VWA3A: variants seen among roughly 807,000 people sequenced by gnomAD.
VWA3A encodes the protein von Willebrand factor A domain-containing protein 3A.
In VWA3A, 134 loss-of-function variants were observed where a neutral mutation model predicts 160.4. The ratio of observed to expected loss-of-function variants is 0.84; its 90% CI spans 0.73 to 0.96. The LOEUF is 0.96. Ranked by LOEUF, VWA3A falls within the 40% of genes least tolerant of loss-of-function variation. The pLI is 0.00. For missense variants in VWA3A, 1,310 were observed against 1,447.9 expected, an observed-to-expected ratio of 0.90 and a Z score of 1.55; for synonymous variants, 476 against 543.4, an observed-to-expected ratio of 0.88 and a Z score of 1.72.
Position 22,115,916 on chromosome 16 carries a change from A to AGGAC in VWA3A, c.815+447_815+448insCGGA, listed in dbSNP as rs1567203009. Among the ~76,000 whole-genome samples the AGGAC allele has an allele frequency of 3.3e-4, 10 of 29,904 alleles. 1 individual carries two copies. The highest frequency in any genetic ancestry group is 4.6e-4 in the Non-Finnish European group (10 of 21,540). 19.6% of individuals were successfully genotyped at this position (29,904 alleles called of 152,430 possible). ...AAGGAAGGAAGGAAGGAAGGAAGGA[A>AGGAC]GGAAGGAAAGGAAAGGAAAGGAAGG... On this transcript the variant is annotated intron_variant, in intron 9 of 33. Transcript: ENST00000389398.
rs760996055 is a variant in VWA3A at position 22,140,186 on chromosome 16, C to G, written c.2325C>G (p.Ser775Arg). ...AAGATGACCCTGACAGAGAGAAGAGCCCCCCGCTGAAATCTCTGAAATGGC... is the reference window on the plus strand; with the variant it reads ...AAGATGACCCTGACAGAGAGAAGAGGCCCCCGCTGAAATCTCTGAAATGGC... ...SIKDDPDREK[S>R]PPLKSLKWRP... is the part of the protein sequence containing the mutation. Residue 775 changes from serine to arginine, a missense_variant, in exon 23 of 34, where the codon AGC becomes AGG. Ser to Arg is a moderately radical substitution (Grantham distance 110). Transcript: ENST00000389398. The G allele has an allele frequency of 6.2e-7, 1 of 1,613,550 alleles. No homozygotes were observed. Among genetic ancestry groups the G allele is most frequent in the Non-Finnish European group, 8.5e-7 (1 of 1,179,700 alleles).
chr16:22,134,277 C>T, intron 20 of VWA3A, 91 bp from the exon 21 acceptor site: 1 of 1,095,850 alleles, frequency 9.1e-7, no homozygotes, highest in Non-Finnish European at 1.3e-6. Flanking sequence ...CTCAAGTCAC[C>T]TCCAGGTGGC....
chr16:22,112,611 C>T (rs945976718), intron 8 of VWA3A, among the ~76,000 whole-genome samples: 8 of 152,052 alleles, frequency 5.3e-5, no homozygotes, highest in Non-Finnish European at 1.2e-4. Context: ...CCCAGCTACT[C>T]GGGAGGCTAA....
intron 1 of VWA3A, among the ~76,000 whole-genome samples, chr16:22,093,953 T>TTA (rs1555524841): frequency 6.7e-6 from 1 of 148,348 alleles, no homozygotes; most frequent in African/African-American, 2.6e-5. Flanking sequence ...TTTTTTTTTT[T>TTA]ATATAGAGAC....
intron 9 of VWA3A, 52 bp from the exon 10 acceptor site, chr16:22,116,707 T>C (rs757191971): frequency 7.0e-7 from 1 of 1,423,640 alleles, no homozygotes. Context: ...TCTGGAATGT[T>C]CTCAAAGTGG....
At chr16:22,153,987 C>T (rs536697134) in intron 31 of VWA3A, among the ~76,000 whole-genome samples, 2 of 152,228 alleles carry the variant, frequency 1.3e-5, no homozygotes, top group East Asian at 3.9e-4. Context: ...AATCCTCCCG[C>T]CTGAGCTTCC....
chr16:22,149,205 C>T (rs2046306124), intron 28 of VWA3A, among the ~76,000 whole-genome samples: 1 of 152,116 alleles, frequency 6.6e-6, no homozygotes, highest in Admixed American at 6.5e-5. Context: ...ATCGGGTAAC[C>T]AGTCACTGGC....
rs780589593 is a variant in VWA3A at position 22,144,406 on chromosome 16, C to T, written c.2730+22C>T. ...CCATGTAAGTCACAATTTTCATCAT[C>T]GTCTTTTTTTTCTCCCCCAACTCAG... On this transcript the variant is annotated intron_variant, in intron 26 of 33. Coordinates refer to ENST00000389398, the MANE Select transcript of VWA3A (RefSeq NM_173615.5). 35 of 1,609,924 alleles carry T rather than the reference C, an allele frequency of 2.2e-5. No individual in the cohort carries two copies. In the Middle Eastern group the frequency reaches 5.0e-4, roughly 23 times the overall value.
chr16:22,099,521 T>A (rs1015363157), intron 3 of VWA3A, among the ~76,000 whole-genome samples: 1 of 152,240 alleles, frequency 6.6e-6, no homozygotes, highest in African/African-American at 2.4e-5. Context: ...GAACCCACTT[T>A]GTAAAATTAA....
At chr16:22,146,652 C>T (rs576833673) in intron 27 of VWA3A, among the ~76,000 whole-genome samples, 5 of 151,712 alleles carry the variant, frequency 3.3e-5, no homozygotes, top group African/African-American at 7.3e-5. Context: ...GGCATGGTGG[C>T]GGGCACCTGT....
intron 1 of VWA3A, among the ~76,000 whole-genome samples, chr16:22,093,955 T>A (rs528819406): frequency 7.0e-6 from 1 of 143,880 alleles, no homozygotes; most frequent in African/African-American, 2.8e-5. Flanking sequence ...TTTTTTTTTA[T>A]ATAGAGACGG....
chr16:22,124,432 G>A (rs950115634), intron 16 of VWA3A, among the ~76,000 whole-genome samples: 1 of 150,888 alleles, frequency 6.6e-6, no homozygotes, highest in African/African-American at 2.4e-5. Flanking sequence ...GCTGAGTTGG[G>A]AGAAACAATA....
At chr16:22,127,309 T>G (rs1450866259) in intron 17 of VWA3A, among the ~76,000 whole-genome samples, 2 of 100,984 alleles carry the variant, frequency 2.0e-5, no homozygotes, top group Non-Finnish European at 3.3e-5. Context: ...GTATTTCTAG[T>G]AGAGATGGGG....
chr16:22,149,141 C>G (rs1415514950), intron 28 of VWA3A, among the ~76,000 whole-genome samples: 1 of 152,150 alleles, frequency 6.6e-6, no homozygotes, highest in Non-Finnish European at 1.5e-5. Context: ...TTATCGGCCC[C>G]CATTTTTCAG....
chr16:22,135,397 C>A (rs1203362877), intron 21 of VWA3A, among the ~76,000 whole-genome samples: 3 of 152,144 alleles, frequency 2.0e-5, no homozygotes, highest in African/African-American at 4.8e-5. Flanking sequence ...AGATTAAGGA[C>A]CTGCGCTACT....
At chr16:22,147,689 G>T (rs1179419301) in intron 27 of VWA3A, 1 of 701,926 alleles carries the variant, frequency 1.4e-6, no homozygotes, top group Admixed American at 2.0e-5. Context: ...GAAGGCGTGA[G>T]CCTCTCTCCA....
chr16:22,137,329 C>T (rs2046063776), intron 21 of VWA3A, among the ~76,000 whole-genome samples: 1 of 152,166 alleles, frequency 6.6e-6, no homozygotes, highest in Non-Finnish European at 1.5e-5. Flanking sequence ...TTGAGTATTA[C>T]ACCATTAGTC....
Position 22,131,230 on chromosome 16 carries a change from A to G in VWA3A, c.1678A>G (p.Arg560Gly). 6.2e-7 allele frequency: 1 copy of G among 1,613,998 alleles called. No individual in the cohort carries two copies. The highest frequency in any genetic ancestry group is 8.5e-7 in the Non-Finnish European group (1 of 1,179,888). The change falls in exon 18 of 34, where the codon AGG becomes GGG. Residue 560 changes from arginine to glycine, a missense_variant. Arg to Gly is a moderately radical substitution (Grantham distance 125). Coordinates refer to ENST00000389398, the MANE Select transcript of VWA3A (RefSeq NM_173615.5). ...GTTTGGAAGCACAATTGAAAGCTGG[A>G]GGCCTGAGATGGTTCCCGTGAGTCA... ...IAFGSTIESW[R>G]PEMVPVSHNN... is the part of the protein sequence containing the mutation.
intron 11 of VWA3A, among the ~76,000 whole-genome samples, chr16:22,118,484 G>A (rs2045681490): frequency 1.3e-5 from 2 of 152,040 alleles, no homozygotes; most frequent in South Asian, 4.1e-4. Flanking sequence ...AGGAGATTGA[G>A]ACCATCCTGG....
Sources: gnomAD v4.1 joint callset for allele counts (sites outside exome capture counted in the v4.1 genomes callset) on GRCh38, gnomAD v4.1.1 for gene constraint, MANE v1.5 for transcripts, NCBI Gene and HGNC (gene_info 2026-07-23, HGNC 2026-07-21) for gene names.